Variants in ANOS1 observed in about 807,000 individuals in gnomAD.
ANOS1 encodes the protein anosmin-1.
ANOS1 carries 6 observed loss-of-function variants against 59.0 expected under a neutral mutation model. That is an observed-to-expected ratio of 0.10 (90% confidence interval 0.06 to 0.20). The LOEUF is 0.20. Ranked by LOEUF, ANOS1 falls within the 10% of genes least tolerant of loss-of-function variation. The pLI is 1.00. For synonymous variants in ANOS1, 217 were observed against 223.4 expected, an observed-to-expected ratio of 0.97 and a Z score of 0.25; for missense variants, 433 against 542.3, an observed-to-expected ratio of 0.80 and a Z score of 2.00.
chrX:8,538,651 G>A (rs753465496), intron 10 of ANOS1, among the ~76,000 whole-genome samples: 23 of 111,863 alleles, frequency 2.1e-4, no homozygotes, highest in Non-Finnish European at 4.3e-4. Flanking sequence ...TGCTTTCTCT[G>A]CTTTTCAAAT....
chrX:8,728,823 G>A (rs1932943221), intron 1 of ANOS1, among the ~76,000 whole-genome samples: 2 of 111,726 alleles, frequency 1.8e-5, no homozygotes, highest in South Asian at 7.4e-4. Flanking sequence ...GGTATCCCTG[G>A]TCTGCATTCC....
chrX:8,700,730 C>G (rs1195976254), intron 1 of ANOS1, among the ~76,000 whole-genome samples: 2 of 112,201 alleles, frequency 1.8e-5, no homozygotes, highest in East Asian at 5.6e-4. Context: ...TATTTGGGGC[C>G]GGGCGTGGTG....
At chrX:8,653,953 C>T (rs1378501529) in intron 2 of ANOS1, among the ~76,000 whole-genome samples, 1 of 112,162 alleles carries the variant, frequency 8.9e-6, no homozygotes, top group African/African-American at 3.2e-5. Flanking sequence ...AAGCATGATG[C>T]CACATTTGAG....
At chrX:8,553,588 CT>C (rs1369065505) in intron 9 of ANOS1, among the ~76,000 whole-genome samples, 3 of 111,336 alleles carry the variant, frequency 2.7e-5, no homozygotes, top group East Asian at 2.8e-4. Context: ...TAATAGGTGA[CT>C]TTCCCCCCCT....
chrX:8,585,182 G>T, intron 6 of ANOS1, 85 bp downstream of exon 6: 1 of 1,021,954 alleles, frequency 9.8e-7, no homozygotes, highest in South Asian at 2.0e-5. Flanking sequence ...CTATAAATAT[G>T]AACATAGAGA....
At chrX:8,692,719 C>A (rs1339879916) in intron 2 of ANOS1, among the ~76,000 whole-genome samples, 3 of 111,085 alleles carry the variant, frequency 2.7e-5, no homozygotes, top group Non-Finnish European at 5.7e-5. Context: ...ACAGGCCTTG[C>A]TAAATTCCCC....
chrX:8,619,464 C>A (rs372622768), intron 3 of ANOS1, among the ~76,000 whole-genome samples: 2 of 109,499 alleles, frequency 1.8e-5, no homozygotes, highest in African/African-American at 3.3e-5. Flanking sequence ...ATTAGCCGGG[C>A]GTGGTGATGC....
At chrX:8,728,198 G>A (rs1417633491) in intron 1 of ANOS1, among the ~76,000 whole-genome samples, 1 of 111,967 alleles carries the variant, frequency 8.9e-6, no homozygotes, top group Non-Finnish European at 1.9e-5. Flanking sequence ...CGGCTAAATC[G>A]TCAATGAACT....
intron 1 of ANOS1, among the ~76,000 whole-genome samples, chrX:8,701,629 T>G (rs1372251724): frequency 8.9e-6 from 1 of 112,510 alleles, no homozygotes; most frequent in Non-Finnish European, 1.9e-5. Flanking sequence ...ATAAATGGAA[T>G]CATACAATAT....
chrX:8,702,570 G>C (rs748999000), intron 1 of ANOS1, among the ~76,000 whole-genome samples: 2 of 111,655 alleles, frequency 1.8e-5, no homozygotes, highest in Non-Finnish European at 3.8e-5. Context: ...GATTCATACA[G>C]GATTGGCTAA....
Position 8,731,448 on chromosome X carries a change from C to G in ANOS1, c.207+382G>C, listed in dbSNP as rs975863337. On this transcript the variant is annotated intron_variant, in intron 1 of 13. Coordinates refer to ENST00000262648, the MANE Select transcript of ANOS1 (RefSeq NM_000216.4). The stretch of plus-strand genomic sequence containing the variant: ...CGCCTCCCAGACTCCCTCCCAGTGC[C>G]CCGGAGCGCCTGGGACTTTGCGGGA... Among the ~76,000 whole-genome samples the G allele has an allele frequency of 9.9e-5, 11 of 111,646 alleles. No individual in the cohort carries two copies. In the Admixed American group the frequency reaches 1.0e-3, roughly 10 times the overall value.
intron 1 of ANOS1, among the ~76,000 whole-genome samples, chrX:8,718,400 T>C (rs962464153): frequency 1.8e-5 from 2 of 111,733 alleles, no homozygotes; most frequent in Admixed American, 9.5e-5. Context: ...GAAAAGAAAA[T>C]GGGGAACAAA....
At chrX:8,699,326 T>C (rs969530643) in intron 2 of ANOS1, among the ~76,000 whole-genome samples, 5 of 111,923 alleles carry the variant, frequency 4.5e-5, no homozygotes, top group African/African-American at 1.6e-4. Flanking sequence ...ATAACATAAG[T>C]ATAAATAGAA....
At chrX:8,704,996 A>T (rs1011947227) in intron 1 of ANOS1, among the ~76,000 whole-genome samples, 10 of 111,234 alleles carry the variant, frequency 9.0e-5, no homozygotes, top group Non-Finnish European at 1.7e-4. Context: ...TACAAATAAA[A>T]CTTGCAGTAA....
intron 3 of ANOS1, among the ~76,000 whole-genome samples, chrX:8,599,980 G>A (rs1930813477): frequency 8.9e-6 from 1 of 111,962 alleles, no homozygotes; most frequent in Admixed American, 9.5e-5. Flanking sequence ...TTCTCAGATT[G>A]ATGATGACTG....
chrX:8,562,232 C>T (rs768881380), intron 8 of ANOS1, among the ~76,000 whole-genome samples: 152 of 111,886 alleles, frequency 1.4e-3, no homozygotes, highest in African/African-American at 4.8e-3. Flanking sequence ...TGAGCTACCG[C>T]GCCCAGCCCT....
intron 3 of ANOS1, among the ~76,000 whole-genome samples, chrX:8,606,082 G>A (rs5934453): frequency 0.38 from 41,715 of 109,867 alleles, 5,796 homozygotes; most frequent in South Asian, 0.43. Context: ...TACAATATTC[G>A]GTACCCAGAT....
intron 2 of ANOS1, among the ~76,000 whole-genome samples, chrX:8,632,488 G>T (rs1931505019): frequency 9.0e-6 from 1 of 111,127 alleles, no homozygotes; most frequent in African/African-American, 3.3e-5. Flanking sequence ...AATTGGAAAA[G>T]AAATTCAAAT....
At position 8,532,332 on chromosome X, in the gene ANOS1, T is replaced by A. The variant is rs778276189; in HGVS notation, c.*663A>T. ...AAATCTGATTAGCAGCTTATTTCATTGAGTTCCTCTGGCTTGGGTGTCTTT... is the reference window on the plus strand; with the variant it reads ...AAATCTGATTAGCAGCTTATTTCATAGAGTTCCTCTGGCTTGGGTGTCTTT... On this transcript the variant is annotated 3_prime_UTR_variant, in exon 14 of 14. Coordinates refer to ENST00000262648, the MANE Select transcript of ANOS1 (RefSeq NM_000216.4). 108 of 112,422 alleles carry A rather than the reference T, an allele frequency of 9.6e-4. No homozygotes were observed. Among genetic ancestry groups the A allele is most frequent in the African/African-American group, 3.4e-3 (105 of 31,047 alleles). The allele number at this position is 112,422 out of a possible 1,213,427, so 9.3% of individuals were successfully genotyped here.
Sources: allele counts gnomAD v4.1 joint callset (sites outside exome capture counted in the v4.1 genomes callset), GRCh38; gene constraint gnomAD v4.1.1; transcripts MANE v1.5; gene names NCBI Gene and HGNC (gene_info 2026-07-23, HGNC 2026-07-21).